PAX5: variants seen among roughly 807,000 people sequenced by gnomAD.
PAX5 encodes paired box protein Pax-5.
A neutral mutation model predicts 43.7 loss-of-function variants in PAX5; 9 were observed. The ratio of observed to expected loss-of-function variants is 0.21; its 90% CI spans 0.12 to 0.36. The LOEUF (loss-of-function observed/expected upper bound fraction) is 0.36, where lower values mean the gene tolerates loss of function less well. PAX5 is among the 10% of genes least tolerant of loss of function. The pLI, the probability that PAX5 is intolerant of heterozygous loss-of-function variation, is 1.00. For synonymous variants in PAX5, 228 were observed against 214.3 expected, an observed-to-expected ratio of 1.06 and a Z score of -0.56; for missense variants, 383 against 532.7, an observed-to-expected ratio of 0.72 and a Z score of 2.77.
rs1224533600 is a variant in PAX5 at position 36,834,230 on chromosome 9, C to T, written c.*6330G>A. The T allele has an allele frequency of 8.6e-6, 2 of 233,208 alleles. No homozygotes were observed. The highest frequency in any genetic ancestry group is 1.7e-5 in the Non-Finnish European group (2 of 118,082). The allele number at this position is 233,208 out of a possible 1,614,324, so 14.4% of individuals were successfully genotyped here. A position where few individuals can be genotyped will look rare whatever the true frequency, so the allele number is the denominator to read the frequency against. On this transcript the variant is annotated 3_prime_UTR_variant, in exon 10 of 10. Coordinates refer to ENST00000358127, the MANE Select transcript of PAX5 (RefSeq NM_016734.3). ...AACGCCAGGCCCTCACTGCCCGCCACCCTCTGTTGTGCTGGGTGCTTGGGG... is the reference window on the plus strand; with the variant it reads ...AACGCCAGGCCCTCACTGCCCGCCATCCTCTGTTGTGCTGGGTGCTTGGGG...
intron 9 of PAX5, among the ~76,000 whole-genome samples, chr9:36,842,323 G>T (rs1419104004): frequency 6.6e-6 from 1 of 152,186 alleles, no homozygotes; most frequent in African/African-American, 2.4e-5. Flanking sequence ...GTGTGCATGA[G>T]AGGGGCATGG....
chr9:36,935,908 A>G (rs1831514527), intron 6 of PAX5, among the ~76,000 whole-genome samples: 1 of 152,196 alleles, frequency 6.6e-6, no homozygotes. Flanking sequence ...CCCTGCCTGG[A>G]TCCAGCACGG....
intron 5 of PAX5, among the ~76,000 whole-genome samples, chr9:36,991,675 G>T (rs1368475850): frequency 6.6e-6 from 1 of 151,624 alleles, no homozygotes; most frequent in Admixed American, 6.6e-5. Context: ...GCTCATGAAT[G>T]GCCGGTACAC....
rs1213532034 is a variant in PAX5, at chr9:36,846,778, G to A, written c.1099+65C>T. 5 of 1,173,356 alleles carry A rather than the reference G, an allele frequency of 4.3e-6. No individual in the cohort carries two copies. The East Asian group carries it at 1.2e-4, about 28-fold the overall frequency. 72.7% of individuals were successfully genotyped at this position (1,173,356 alleles called of 1,614,324 possible). A position where few individuals can be genotyped will look rare whatever the true frequency, so the allele number is the denominator to read the frequency against. ...TCAGGATGTCGAGGGACCCAGGCCA[G>A]TGAGGAGGCCTGGATGGGGTAGCTG... is the stretch of plus-strand genomic sequence containing the variant. On this transcript the variant is annotated intron_variant, in intron 9 of 9. Transcript: ENST00000358127.
At chr9:36,946,284 C>T (rs771835305) in intron 6 of PAX5, among the ~76,000 whole-genome samples, 3 of 152,222 alleles carry the variant, frequency 2.0e-5, no homozygotes, top group Admixed American at 6.5e-5. Context: ...TGCCAAGCAG[C>T]GCTGCCTCGA....
chr9:37,027,558 G>T (rs1031010021), intron 1 of PAX5, among the ~76,000 whole-genome samples: 2 of 152,358 alleles, frequency 1.3e-5, no homozygotes, highest in South Asian at 2.1e-4. Context: ...GGCCGCCGGG[G>T]CTGCCGGGGC....
chr9:37,027,425 C>T (rs989769943), intron 1 of PAX5, among the ~76,000 whole-genome samples: 4 of 152,368 alleles, frequency 2.6e-5, no homozygotes, highest in African/African-American at 9.6e-5. Context: ...CTTCGAGCCC[C>T]GCCGCCCTCC....
chr9:36,861,201 C>T (rs1824184220), intron 8 of PAX5: 1 of 151,858 alleles, frequency 6.6e-6, no homozygotes, highest in African/African-American at 2.4e-5. Flanking sequence ...CAGACAGTCG[C>T]AATTTCATCC....
chr9:36,959,803 C>T (rs1158933601), intron 6 of PAX5, among the ~76,000 whole-genome samples: 1 of 152,228 alleles, frequency 6.6e-6, no homozygotes, highest in East Asian at 1.9e-4. Flanking sequence ...CCCCAATGGC[C>T]ACCAGCCTGG....
At chr9:37,028,729 T>C (rs773709197) in intron 1 of PAX5, among the ~76,000 whole-genome samples, 2 of 152,224 alleles carry the variant, frequency 1.3e-5, no homozygotes, top group Admixed American at 6.5e-5. Flanking sequence ...AGGCGCATTC[T>C]ATCTGCAAGG....
At chr9:36,948,828 C>T (rs940049147) in intron 6 of PAX5, among the ~76,000 whole-genome samples, 1 of 152,146 alleles carries the variant, frequency 6.6e-6, no homozygotes, top group East Asian at 1.9e-4. Flanking sequence ...TCCTCTCCAA[C>T]TCCTTTCCTG....
chr9:36,986,618 C>A lies in PAX5; in HGVS notation c.604+16030G>T, dbSNP rs1357119941. Among the ~76,000 whole-genome samples the A allele has an allele frequency of 2.0e-5, 3 of 152,096 alleles. No homozygotes were observed. In the South Asian group the frequency reaches 6.2e-4, roughly 31 times the overall value. ...TGACCTCCTGGAAGTCGTCTGCCCT[C>A]CGCCCCCGGCCCTGGGGACTCCTCC... is the stretch of plus-strand genomic sequence containing the variant. On this transcript the variant is annotated intron_variant, in intron 5 of 9. Transcript: ENST00000358127.
chr9:36,958,862 A>G (rs920647954), intron 6 of PAX5, among the ~76,000 whole-genome samples: 2 of 152,144 alleles, frequency 1.3e-5, no homozygotes, highest in African/African-American at 4.8e-5. Context: ...CCCCCATGGG[A>G]CCTGGCCCTG....
chr9:36,961,534 T>C (rs1423706335), intron 6 of PAX5, among the ~76,000 whole-genome samples: 3 of 152,266 alleles, frequency 2.0e-5, no homozygotes, highest in African/African-American at 7.2e-5. Flanking sequence ...TCCAGCTGAT[T>C]TATCACCTGA....
chr9:36,926,476 C>G (rs1830647264), intron 6 of PAX5, among the ~76,000 whole-genome samples: 1 of 152,182 alleles, frequency 6.6e-6, no homozygotes, highest in Non-Finnish European at 1.5e-5. Context: ...GCAGCAAGAG[C>G]TATTGGAAAA....
chr9:36,919,682 A>T (rs1829983064), intron 7 of PAX5, among the ~76,000 whole-genome samples: 1 of 151,982 alleles, frequency 6.6e-6, no homozygotes, highest in Admixed American at 6.5e-5. Context: ...CTCTACTAAA[A>T]ATACAAAAAT....
At chr9:36,993,975 A>G (rs883965) in intron 5 of PAX5, among the ~76,000 whole-genome samples, 70,800 of 152,000 alleles carry the variant, frequency 0.47, 16,887 homozygotes, top group East Asian at 0.67. Context: ...AACCAGGTGC[A>G]CAAACAGAGA....
chr9:36,908,615 C>T (rs1438872319), intron 7 of PAX5, among the ~76,000 whole-genome samples: 1 of 152,162 alleles, frequency 6.6e-6, no homozygotes, highest in East Asian at 1.9e-4. Context: ...AGGTGCTATC[C>T]TTTGCACTTT....
chr9:37,012,491 T>C (rs1038636669), intron 3 of PAX5, among the ~76,000 whole-genome samples: 3 of 152,208 alleles, frequency 2.0e-5, no homozygotes, highest in Non-Finnish European at 4.4e-5. Context: ...GGCTTTGGAC[T>C]GGACACTCAG....
Sources: gnomAD v4.1 joint callset for allele counts (sites outside exome capture counted in the v4.1 genomes callset) on GRCh38, gnomAD v4.1.1 for gene constraint, MANE v1.5 for transcripts, NCBI Gene and HGNC (gene_info 2026-07-23, HGNC 2026-07-21) for gene names.